The following ZNF385D variants were observed in gnomAD, a reference collection of about 807,000 sequenced individuals.
The protein encoded by ZNF385D is zinc finger protein 659.
A neutral mutation model predicts 35.8 loss-of-function variants in ZNF385D; 15 were observed. The observed-to-expected ratio is 0.42, with a 90% CI of 0.28 to 0.64. ZNF385D has a LOEUF of 0.64. Among genes scored for constraint, ZNF385D ranks in the 30% least tolerant of loss-of-function variants. ZNF385D has a pLI of 0.23. For synonymous variants in ZNF385D, 212 were observed against 186.8 expected (o/e 1.13, Z -1.10); for missense variants, 474 against 494.6 (o/e 0.96, Z 0.39).
chr3:22,218,612 A>G (rs1178256637), intron 2 of ZNF385D, among the ~76,000 whole-genome samples: 1 of 152,096 alleles, frequency 6.6e-6, no homozygotes, highest in Non-Finnish European at 1.5e-5. Flanking sequence ...AACATTGAAC[A>G]GAATATTAGA....
intron 3 of ZNF385D, among the ~76,000 whole-genome samples, chr3:22,128,791 T>C (rs1703601234): frequency 1.3e-5 from 2 of 152,176 alleles, no homozygotes; most frequent in East Asian, 1.9e-4. Context: ...AGATTTTGAA[T>C]TCCTTCTCCT....
chr3:21,498,110 C>T (rs989454165), intron 4 of ZNF385D, among the ~76,000 whole-genome samples: 3 of 151,996 alleles, frequency 2.0e-5, no homozygotes, highest in African/African-American at 7.2e-5. Flanking sequence ...AAAAACGAGC[C>T]ATGGGGAAAG....
At chr3:21,906,441 C>T (rs1248557873) in intron 3 of ZNF385D, among the ~76,000 whole-genome samples, 1 of 152,150 alleles carries the variant, frequency 6.6e-6, no homozygotes, top group African/African-American at 2.4e-5. Flanking sequence ...TAAAACATTA[C>T]CTTCAGAACT....
chr3:22,003,063 A>C (rs1254916555), intron 3 of ZNF385D, among the ~76,000 whole-genome samples: 1 of 152,224 alleles, frequency 6.6e-6, no homozygotes, highest in Non-Finnish European at 1.5e-5. Context: ...TGGTACTGGA[A>C]GTCCTAGCCA....
chr3:21,543,029 T>C (rs1249621152), intron 3 of ZNF385D: 1 of 152,672 alleles, frequency 6.5e-6, no homozygotes, highest in Non-Finnish European at 1.5e-5. Context: ...CCTCTCACTG[T>C]TGGCCGGGCG....
chr3:21,893,039 A>G (rs1241192010), intron 3 of ZNF385D, among the ~76,000 whole-genome samples: 6 of 152,172 alleles, frequency 3.9e-5, no homozygotes, highest in African/African-American at 1.4e-4. Flanking sequence ...AGGAGAAGAG[A>G]AGAAAATAGA....
intron 3 of ZNF385D, among the ~76,000 whole-genome samples, chr3:21,549,790 A>C (rs2125592967): frequency 6.6e-6 from 1 of 152,324 alleles, no homozygotes; most frequent in African/African-American, 2.4e-5. Context: ...AGACTAACAC[A>C]GGACACTCTC....
At chr3:22,150,040 T>C (rs982979853) in intron 3 of ZNF385D, among the ~76,000 whole-genome samples, 1 of 152,228 alleles carries the variant, frequency 6.6e-6, no homozygotes, top group African/African-American at 2.4e-5. Context: ...AAAATTCACA[T>C]ATTCGTAAGA....
At chr3:21,610,877 TA>T (rs998472855) in intron 2 of ZNF385D, among the ~76,000 whole-genome samples, 2 of 152,096 alleles carry the variant, frequency 1.3e-5, no homozygotes, top group Admixed American at 6.5e-5. Context: ...GCAATCAGGA[TA>T]TCAGCCTGGA....
chr3:22,101,128 C>T (rs1701919335), intron 3 of ZNF385D, among the ~76,000 whole-genome samples: 1 of 151,906 alleles, frequency 6.6e-6, no homozygotes, highest in African/African-American at 2.4e-5. Context: ...TAAGGTTCTA[C>T]TTGGATTAAA....
At chr3:21,569,363 T>G (rs1575208533) in intron 2 of ZNF385D, among the ~76,000 whole-genome samples, 1 of 149,850 alleles carries the variant, frequency 6.7e-6, no homozygotes, top group South Asian at 2.1e-4. Flanking sequence ...AAGTCTGTTT[T>G]ATCAGAGACT....
At chr3:21,649,611 C>G (rs942911425) in intron 2 of ZNF385D, among the ~76,000 whole-genome samples, 2 of 152,176 alleles carry the variant, frequency 1.3e-5, no homozygotes, top group Non-Finnish European at 2.9e-5. Context: ...AAGCTTCAGT[C>G]TCTTTCATTG....
At chr3:22,118,497 C>T (rs1322554289) in intron 3 of ZNF385D, among the ~76,000 whole-genome samples, 1 of 152,046 alleles carries the variant, frequency 6.6e-6, no homozygotes, top group Non-Finnish European at 1.5e-5. Context: ...CTGTACATCT[C>T]CAAAGGGTGT....
At chr3:21,951,145 C>T (rs1235263620) in intron 3 of ZNF385D, among the ~76,000 whole-genome samples, 1 of 151,738 alleles carries the variant, frequency 6.6e-6, no homozygotes, top group Non-Finnish European at 1.5e-5. Flanking sequence ...GCAGTATGGC[C>T]ATTTTCATGA....
At chr3:21,547,967 G>T (rs1354071259) in intron 3 of ZNF385D, among the ~76,000 whole-genome samples, 1 of 152,096 alleles carries the variant, frequency 6.6e-6, no homozygotes, top group Non-Finnish European at 1.5e-5. Context: ...GGTCCCTGGA[G>T]AAACTCCAAC....
intron 3 of ZNF385D, among the ~76,000 whole-genome samples, chr3:21,996,277 G>A (rs1402402563): frequency 6.6e-6 from 1 of 152,150 alleles, no homozygotes; most frequent in Non-Finnish European, 1.5e-5. Flanking sequence ...GGAGTCAATG[G>A]TGGGAATGTG....
intron 2 of ZNF385D, among the ~76,000 whole-genome samples, chr3:22,345,731 A>T (rs962344151): frequency 2.0e-5 from 3 of 152,168 alleles, no homozygotes; most frequent in Admixed American, 6.5e-5. Flanking sequence ...CAGCTTCTAG[A>T]AGTGCTACTG....
At chr3:21,858,411 A>G (rs1023136422) in intron 3 of ZNF385D, among the ~76,000 whole-genome samples, 1 of 151,796 alleles carries the variant, frequency 6.6e-6, no homozygotes, top group African/African-American at 2.4e-5. Flanking sequence ...CCCCAGATTC[A>G]CATGTTTAAA....
At chr3:22,021,577 T>A (rs1697226835) in intron 3 of ZNF385D, among the ~76,000 whole-genome samples, 1 of 152,098 alleles carries the variant, frequency 6.6e-6, no homozygotes, top group South Asian at 2.1e-4. Context: ...TATACTTTTG[T>A]GAGGACTGAG....
Sources: gnomAD v4.1 joint callset for allele counts (sites outside exome capture counted in the v4.1 genomes callset) on GRCh38, gnomAD v4.1.1 for gene constraint, MANE v1.5 for transcripts, NCBI Gene and HGNC (gene_info 2026-07-23, HGNC 2026-07-21) for gene names.